Variants in LRP1B observed in about 807,000 individuals in gnomAD.
LRP1B encodes the protein LDL receptor related protein 1B, also known as low-density lipoprotein receptor-related protein 1B.
In LRP1B, 217 loss-of-function variants were observed where a neutral mutation model predicts 556.6. That is an observed-to-expected ratio of 0.39 (90% confidence interval 0.35 to 0.44). LRP1B has a LOEUF of 0.44. LRP1B is among the 20% of genes least tolerant of loss of function. LRP1B has a pLI of 1.00. For missense variants in LRP1B, 5,053 were observed against 5,620.8 expected, an observed-to-expected ratio of 0.90 and a Z score of 3.23; for synonymous variants, 2,047 against 1,865.8, an observed-to-expected ratio of 1.10 and a Z score of -2.50.
chr2:140,546,289 T>C (rs1050811857), intron 43 of LRP1B, among the ~76,000 whole-genome samples: 2 of 152,102 alleles, frequency 1.3e-5, no homozygotes, highest in African/African-American at 2.4e-5. Flanking sequence ...TCTTGCCTGA[T>C]TGCTCTGCCC....
chr2:141,952,316 G>A (rs1206783752), intron 1 of LRP1B, among the ~76,000 whole-genome samples: 2 of 151,988 alleles, frequency 1.3e-5, no homozygotes, highest in African/African-American at 4.8e-5. Context: ...AAACATACAT[G>A]TGCATGTGTC....
chr2:141,589,219 G>A (rs1282910938), intron 2 of LRP1B, among the ~76,000 whole-genome samples: 1 of 151,862 alleles, frequency 6.6e-6, no homozygotes, highest in East Asian at 1.9e-4. Flanking sequence ...TAAAAAAAGA[G>A]ATGAGCGTTT....
chr2:141,528,388 C>G (rs1222536694), intron 2 of LRP1B, among the ~76,000 whole-genome samples: 2 of 151,682 alleles, frequency 1.3e-5, no homozygotes, highest in African/African-American at 4.8e-5. Flanking sequence ...AGAATATCAC[C>G]AAAATGTCAC....
chr2:140,795,594 A>G (rs1222302146), intron 32 of LRP1B, among the ~76,000 whole-genome samples: 1 of 152,144 alleles, frequency 6.6e-6, no homozygotes, highest in African/African-American at 2.4e-5. Flanking sequence ...AAGAGAGAAA[A>G]ACAAGTCTAA....
chr2:141,529,144 A>C (rs1198947081), intron 2 of LRP1B, among the ~76,000 whole-genome samples: 1 of 152,202 alleles, frequency 6.6e-6, no homozygotes, highest in Non-Finnish European at 1.5e-5. Context: ...GCTGGCTGCA[A>C]GTGTCTTACC....
chr2:140,645,281 T>C (rs577548240), intron 41 of LRP1B, among the ~76,000 whole-genome samples: 42 of 152,234 alleles, frequency 2.8e-4, no homozygotes, highest in African/African-American at 9.9e-4. Flanking sequence ...TTTATAAATG[T>C]ATATTTATTA....
At chr2:140,742,405 G>A (rs1263459407) in intron 35 of LRP1B, among the ~76,000 whole-genome samples, 1 of 151,860 alleles carries the variant, frequency 6.6e-6, no homozygotes, top group Non-Finnish European at 1.5e-5. Context: ...AATATTTCTA[G>A]CATTGCATTT....
intron 84 of LRP1B, among the ~76,000 whole-genome samples, chr2:140,275,655 G>A (rs1682640505): frequency 6.6e-6 from 1 of 151,960 alleles, no homozygotes; most frequent in African/African-American, 2.4e-5. Flanking sequence ...AGCAAACTGG[G>A]AGACTAACTG....
rs183058837 is a variant in LRP1B, at chr2:141,230,830, C to T, written c.593-1390G>A. ...GGTGAGGAGTCTCCTAGCACTTTAT[C>T]GTCTAAAAATCTTAAGCCCCTATAC... On this transcript the variant is annotated intron_variant, in intron 5 of 90. Coordinates refer to ENST00000389484, the MANE Select transcript of LRP1B (RefSeq NM_018557.3). Among the ~76,000 whole-genome samples, 18 of 152,250 alleles carry T rather than the reference C, an allele frequency of 1.2e-4. No individual in the cohort carries two copies. The East Asian group carries it at 2.3e-3, about 20-fold the overall frequency.
At chr2:140,268,093 G>C (rs781689579) in intron 86 of LRP1B, among the ~76,000 whole-genome samples, 37 of 152,068 alleles carry the variant, frequency 2.4e-4, no homozygotes, top group Non-Finnish European at 4.6e-4. Flanking sequence ...GAATTAGTGA[G>C]ACAGGGGCAG....
chr2:142,121,123 C>T (rs1207412804), intron 1 of LRP1B, among the ~76,000 whole-genome samples: 2 of 152,126 alleles, frequency 1.3e-5, no homozygotes, highest in Non-Finnish European at 2.9e-5. Flanking sequence ...TATAGAAAAT[C>T]TTTCTAAACT....
intron 74 of LRP1B, 70 bp from the exon 75 acceptor site, chr2:140,356,546 A>C: frequency 1.9e-6 from 2 of 1,045,084 alleles, no homozygotes; most frequent in Non-Finnish European, 2.9e-6. Flanking sequence ...ACTTTTAAAA[A>C]ATGTTTGAAA....
At chr2:141,597,048 G>T (rs1687549541) in intron 2 of LRP1B, among the ~76,000 whole-genome samples, 1 of 130,488 alleles carries the variant, frequency 7.7e-6, no homozygotes, top group Admixed American at 7.3e-5. Context: ...CATAAGTTCT[G>T]ACATTTTACA....
chr2:141,999,923 A>T (rs975878475), intron 1 of LRP1B, among the ~76,000 whole-genome samples: 2 of 151,384 alleles, frequency 1.3e-5, no homozygotes, highest in East Asian at 3.9e-4. Flanking sequence ...ATTTTATGCC[A>T]GTGTGAAATT....
At chr2:142,063,359 AT>A (rs1352156363) in intron 1 of LRP1B, among the ~76,000 whole-genome samples, 1 of 151,596 alleles carries the variant, frequency 6.6e-6, no homozygotes, top group African/African-American at 2.4e-5. Context: ...AAATTATATA[AT>A]AGCTTTTGCA....
intron 1 of LRP1B, among the ~76,000 whole-genome samples, chr2:142,064,960 G>A: frequency 6.8e-6 from 1 of 147,640 alleles, no homozygotes; most frequent in Non-Finnish European, 1.5e-5. Context: ...CAGAGTTTTG[G>A]GCTTTGTCTT....
At chr2:141,181,503 T>C (rs1317200050) in intron 7 of LRP1B, among the ~76,000 whole-genome samples, 1 of 151,812 alleles carries the variant, frequency 6.6e-6, no homozygotes, top group African/African-American at 2.4e-5. Context: ...GTGCACTCAG[T>C]AATTGAGAGG....
intron 2 of LRP1B, among the ~76,000 whole-genome samples, chr2:141,772,163 G>A (rs1558865479): frequency 1.3e-5 from 2 of 152,218 alleles, no homozygotes; most frequent in East Asian, 1.9e-4. Context: ...AGCAAACCGG[G>A]AAGAGGGCTT....
chr2:141,019,068 T>C (rs1222171952), intron 12 of LRP1B, among the ~76,000 whole-genome samples: 2 of 152,106 alleles, frequency 1.3e-5, no homozygotes, highest in Non-Finnish European at 2.9e-5. Flanking sequence ...ACTATACATG[T>C]AAAACATTCA....
Sources: gnomAD v4.1 joint callset for allele counts (sites outside exome capture counted in the v4.1 genomes callset) on GRCh38, gnomAD v4.1.1 for gene constraint, MANE v1.5 for transcripts, NCBI Gene and HGNC (gene_info 2026-07-23, HGNC 2026-07-21) for gene names.